EXD1: variants seen among roughly 807,000 people sequenced by gnomAD.
EXD1 encodes the protein exonuclease 3'-5' domain containing 1, also known as piRNA biogenesis protein EXD1.
A neutral mutation model predicts 49.1 loss-of-function variants in EXD1; 63 were observed. The ratio of observed to expected loss-of-function variants is 1.28; its 90% CI spans 1.05 to 1.58. EXD1 has a LOEUF of 1.58. EXD1 is among the 40% of genes most tolerant of loss of function. The pLI, the probability that EXD1 is intolerant of heterozygous loss-of-function variation, is 0.00. For missense variants in EXD1, 748 were observed against 666.0 expected (o/e 1.12, Z -1.36); for synonymous variants, 234 against 239.2 (o/e 0.98, Z 0.20).
At chr15:41,223,486 T>G (rs1470672578) in intron 2 of EXD1, among the ~76,000 whole-genome samples, 1 of 151,664 alleles carries the variant, frequency 6.6e-6, no homozygotes, top group African/African-American at 2.4e-5. Flanking sequence ...TTTGGGAGGC[T>G]GAGGTGGGAG....
chr15:41,191,658 T>C, intron 9 of EXD1, 73 bp from the exon 10 acceptor site: 1 of 1,396,598 alleles, frequency 7.2e-7, no homozygotes, highest in Non-Finnish European at 9.8e-7. Context: ...GAAATATATT[T>C]AGAGAAATGT....
intron 7 of EXD1, among the ~76,000 whole-genome samples, chr15:41,204,563 C>A (rs1270558484): frequency 6.6e-6 from 1 of 151,504 alleles, no homozygotes; most frequent in East Asian, 1.9e-4. Context: ...AAACAAAAAA[C>A]AAACAAAAAT....
intron 2 of EXD1, among the ~76,000 whole-genome samples, chr15:41,222,516 CG>C (rs773841544): frequency 1.3e-5 from 2 of 152,100 alleles, no homozygotes; most frequent in African/African-American, 4.8e-5. Flanking sequence ...CTTCTAGGTA[CG>C]AATTAGTTGA....
At chr15:41,206,186 C>T (rs1595443566) in intron 7 of EXD1, among the ~76,000 whole-genome samples, 2 of 151,846 alleles carry the variant, frequency 1.3e-5, no homozygotes, top group African/African-American at 2.4e-5. Flanking sequence ...CAGGAAAATC[C>T]GGGCCAGGGG....
chr15:41,191,566 A>T lies in EXD1; in HGVS notation c.740T>A (p.Phe247Tyr), dbSNP rs2046517781. The T allele has an allele frequency of 6.2e-7, 1 of 1,613,956 alleles. No individual in the cohort carries two copies. Residue 247 changes from phenylalanine (F) to tyrosine (Y), a missense_variant, in exon 10 of 12, where the codon TTT becomes TAT. By Grantham distance (22) the Phe-to-Tyr change is conservative. Coordinates refer to ENST00000458580, the MANE Select transcript of EXD1 (RefSeq NM_001286441.2). ...AAGATAGCCACCCGTTTCCATGGAA[A>T]ACTGAAGTACATCTGCTACCTGTGG... ...FDTQVADVLQFSMETGGYLPN... is the reference protein window; with the variant it reads ...FDTQVADVLQYSMETGGYLPN...
At chr15:41,188,028 A>G (rs967423696) in intron 11 of EXD1, among the ~76,000 whole-genome samples, 5 of 151,924 alleles carry the variant, frequency 3.3e-5, no homozygotes, top group African/African-American at 1.2e-4. Flanking sequence ...AAAAAAAAAA[A>G]AAAAAAAAAG....
chr15:41,215,943 C>A (rs980447454), intron 5 of EXD1, 110 bp from the exon 6 acceptor site: 11 of 1,134,960 alleles, frequency 9.7e-6, no homozygotes, highest in Non-Finnish European at 1.4e-5. Context: ...AACTCAAATA[C>A]CCTAAAATTG....
At chr15:41,212,554 C>T (rs1392806808) in intron 6 of EXD1, among the ~76,000 whole-genome samples, 1 of 152,110 alleles carries the variant, frequency 6.6e-6, no homozygotes. Context: ...AAAAGTTAAA[C>T]ACAGAGTTAC....
At chr15:41,201,892 G>T (rs1357640003) in intron 7 of EXD1, among the ~76,000 whole-genome samples, 1 of 152,038 alleles carries the variant, frequency 6.6e-6, no homozygotes, top group Non-Finnish European at 1.5e-5. Flanking sequence ...TGTGGCTCAT[G>T]TCTATATCTC....
At position 41,216,948 on chromosome 15, in the gene EXD1, T is replaced by C. The variant is rs996030803; in HGVS notation, c.260+149A>G. The stretch of plus-strand genomic sequence containing the variant: ...CTTACATTGACTTGAGGGCGCTATC[T>C]AACAATGGAAGAAAACACCTATATA... On this transcript the variant is annotated intron_variant, in intron 4 of 11. Transcript: ENST00000458580. The C allele has an allele frequency of 2.3e-6, 3 of 1,317,070 alleles. No homozygotes were observed. The African/African-American group carries it at 4.4e-5, about 19-fold the overall frequency. The allele number at this position is 1,317,070 out of a possible 1,614,324, so 81.6% of individuals were successfully genotyped here.
intron 6 of EXD1, among the ~76,000 whole-genome samples, chr15:41,214,689 A>G (rs542863306): frequency 2.6e-4 from 39 of 152,002 alleles, no homozygotes; most frequent in African/African-American, 8.7e-4. Flanking sequence ...TCCTCCACAC[A>G]AGCCAGGAAT....
At chr15:41,228,006 C>T (rs8036668) in intron 1 of EXD1, among the ~76,000 whole-genome samples, 21 of 152,056 alleles carry the variant, frequency 1.4e-4, no homozygotes, top group Non-Finnish European at 1.3e-4. Flanking sequence ...GCCAAGATCG[C>T]GCCATTGCAC....
intron 7 of EXD1, among the ~76,000 whole-genome samples, chr15:41,206,247 A>G (rs957319452): frequency 6.6e-6 from 1 of 152,144 alleles, no homozygotes; most frequent in Non-Finnish European, 1.5e-5. Flanking sequence ...AGGCAGGCAG[A>G]TCACTTGAGG....
intron 1 of EXD1, 105 bp downstream of exon 1, chr15:41,230,374 T>A: frequency 8.0e-7 from 1 of 1,251,624 alleles, no homozygotes; most frequent in Non-Finnish European, 1.2e-6. Flanking sequence ...TGAGCCACCG[T>A]GCCAGGCCTA....
intron 10 of EXD1, chr15:41,190,335 T>C: frequency 6.2e-6 from 3 of 480,630 alleles, no homozygotes; most frequent in South Asian, 5.9e-5. Context: ...TAGCTGGGCA[T>C]GGTGGCACGC....
Position 41,219,869 on chromosome 15 carries a change from G to C in EXD1, c.163C>G (p.Pro55Ala), listed in dbSNP as rs778461196. Reference protein sequence around the residue: ...VKNVETGRSVPGVKLFFGHEI... With the variant: ...VKNVETGRSVAGVKLFFGHEI... ...TGCCCAAAAAACAACTTCACTCCTG[G>C]GACACTTCGACCTGTCTCCACATTC... The change falls in exon 3 of 12, where the codon CCA becomes GCA. Residue 55 changes from proline to alanine, a missense_variant. By Grantham distance (27) the Pro-to-Ala change is conservative (BLOSUM62 -1). Coordinates refer to ENST00000458580, the MANE Select transcript of EXD1 (RefSeq NM_001286441.2). 1 of 1,535,096 alleles carries C rather than the reference G, an allele frequency of 6.5e-7. No homozygotes were observed. The highest frequency in any genetic ancestry group is 2.0e-5 in the Admixed American group (1 of 50,864).
chr15:41,183,917 C>A lies in EXD1; in HGVS notation c.*14G>T. 6.4e-7 allele frequency: 1 copy of A among 1,559,716 alleles called. No individual in the cohort carries two copies. Among genetic ancestry groups the A allele is most frequent in the South Asian group, 1.2e-5 (1 of 81,302 alleles). Reference sequence around the variant, plus strand: ...TAAGCCATCTGTATGGCCTTAAGAACAAACTGCCCATCTCTAGGGCAGATT... The same window carrying A: ...TAAGCCATCTGTATGGCCTTAAGAAAAAACTGCCCATCTCTAGGGCAGATT... On this transcript the variant is annotated 3_prime_UTR_variant, in exon 12 of 12. Coordinates refer to ENST00000458580, the MANE Select transcript of EXD1 (RefSeq NM_001286441.2).
At chr15:41,193,999 A>AT (rs747194413) in intron 9 of EXD1, among the ~76,000 whole-genome samples, 1,615 of 82,934 alleles carry the variant, frequency 0.019, 88 homozygotes, top group Non-Finnish European at 0.025. Flanking sequence ...ATGACAAGTG[A>AT]TTTTTTTTTT....
In EXD1 at chr15:41,221,323, G is replaced by C. The variant is rs138622547; in HGVS notation, c.134-1425C>G. Among the ~76,000 whole-genome samples, 3 of 152,222 alleles carry C rather than the reference G, an allele frequency of 2.0e-5. No homozygotes were observed. The East Asian group carries it at 5.8e-4, about 29-fold the overall frequency. On this transcript the variant is annotated intron_variant, in intron 2 of 11. Coordinates refer to ENST00000458580, the MANE Select transcript of EXD1 (RefSeq NM_001286441.2). ...GTCTTACTCTGTTGCACAGGCTAGA[G>C]TGCAGTGGCACAATCCTAGCTCACT...
Sources: allele counts gnomAD v4.1 joint callset (sites outside exome capture counted in the v4.1 genomes callset), GRCh38; gene constraint gnomAD v4.1.1; transcripts MANE v1.5; gene names NCBI Gene and HGNC (gene_info 2026-07-23, HGNC 2026-07-21).